CASZ1: variants seen among roughly 807,000 people sequenced by gnomAD.
CASZ1 encodes the protein zinc finger protein castor homolog 1.
Under a neutral mutation model 135.2 loss-of-function variants are expected in CASZ1, and 28 were observed. The ratio of observed to expected loss-of-function variants is 0.21; its 90% confidence interval spans 0.15 to 0.28. The LOEUF (loss-of-function observed/expected upper bound fraction) is 0.28. Among genes scored for constraint, CASZ1 ranks in the 10% least tolerant of loss-of-function variants. CASZ1 has a pLI of 1.00. For synonymous variants in CASZ1, 1,068 were observed against 1,073.4 expected, an observed-to-expected ratio of 0.99 and a Z score of 0.10; for missense variants, 2,161 against 2,453.3, an observed-to-expected ratio of 0.88 and a Z score of 2.52.
intron 2 of CASZ1, among the ~76,000 whole-genome samples, chr1:10,718,196 G>A (rs1337975225): frequency 2.0e-5 from 3 of 152,112 alleles, no homozygotes; most frequent in African/African-American, 7.2e-5. Context: ...TCCCCCGACT[G>A]GTTCGCAGTC....
chr1:10,737,103 C>T (rs751646438), intron 2 of CASZ1, among the ~76,000 whole-genome samples: 8 of 152,232 alleles, frequency 5.3e-5, no homozygotes, highest in Non-Finnish European at 1.0e-4. Flanking sequence ...TATCCCTGCT[C>T]CATCCAGCTG....
rs766718037 is a variant in CASZ1, at chr1:10,665,445, G to C, written c.143C>G (p.Ala48Gly). ...LSRQVVVEKR[A>G]DAGSHTEGSP... Reference sequence around the variant, plus strand: ...GCCCTCCGTGTGGGAGCCGGCGTCAGCTCGCTTCTCCACCACCACCTGGCG... The same window carrying C: ...GCCCTCCGTGTGGGAGCCGGCGTCACCTCGCTTCTCCACCACCACCTGGCG... The change falls in exon 5 of 21, where the codon GCT becomes GGT. Residue 48 changes from alanine (A) to glycine (G), a missense_variant. This residue lies in a region of CASZ1 where 590 missense variants were observed against 609.8 expected (regional missense o/e 0.97). Transcript: ENST00000377022. 1.9e-6 allele frequency: 3 copies of C among 1,610,796 alleles called. No individual in the cohort carries two copies. In the Admixed American group the frequency reaches 5.0e-5, roughly 27 times the overall value.
At position 10,741,200 on chromosome 1, in the gene CASZ1, C is replaced by T. The variant is rs909193587; in HGVS notation, c.-77+19501G>A. ...GTTTCACCATGTTGGTCAGGCTGGTCTCCAACTCCTGACCTCAGGCGATCC... is the reference window on the plus strand; with the variant it reads ...GTTTCACCATGTTGGTCAGGCTGGTTTCCAACTCCTGACCTCAGGCGATCC... On this transcript the variant is annotated intron_variant, in intron 2 of 20. Coordinates refer to ENST00000377022, the MANE Select transcript of CASZ1 (RefSeq NM_001079843.3). The surrounding 1 kb of genome is among the most constrained non-coding windows in gnomAD (Gnocchi z 5.0). 1.3e-5 allele frequency among the ~76,000 whole-genome samples: 2 copies of T among 152,194 alleles called. No homozygotes were observed. Among genetic ancestry groups the T allele is most frequent in the African/African-American group, 4.8e-5 (2 of 41,448 alleles).
chr1:10,640,067 G>C lies in CASZ1; in HGVS notation c.4163-8C>G. 1.3e-6 allele frequency: 2 copies of C among 1,599,604 alleles called. No homozygotes were observed. The highest frequency in any genetic ancestry group is 2.2e-5 in the South Asian group (2 of 90,544). On this transcript the variant is annotated splice_region_variant and splice_polypyrimidine_tract_variant and intron_variant, in intron 20 of 20. Coordinates refer to ENST00000377022, the MANE Select transcript of CASZ1 (RefSeq NM_001079843.3). Reference sequence around the variant, plus strand: ...GCATAGAGATGGTGTTCCCTGGGGAGGGGCAGGGAGGTCAGTGCAGAAGAG... The same window carrying C: ...GCATAGAGATGGTGTTCCCTGGGGACGGGCAGGGAGGTCAGTGCAGAAGAG...
Position 10,666,607 on chromosome 1 carries a change from G to A in CASZ1, c.17-1036C>T, listed in dbSNP as rs1054748034. Among the ~76,000 whole-genome samples, 2 of 152,168 alleles carry A rather than the reference G, an allele frequency of 1.3e-5. No individual in the cohort carries two copies. Among genetic ancestry groups the A allele is most frequent in the Admixed American group, 1.3e-4 (2 of 15,274 alleles). ...CAGCACCTAATCCCCGAATGTGACAGCCCGACACACACAGCCGGAAGGAAG... is the reference window on the plus strand; with the variant it reads ...CAGCACCTAATCCCCGAATGTGACAACCCGACACACACAGCCGGAAGGAAG... On this transcript the variant is annotated intron_variant, in intron 4 of 20. Coordinates refer to ENST00000377022, the MANE Select transcript of CASZ1 (RefSeq NM_001079843.3). This position sits in a 1 kb window ranked among gnomAD's most constrained non-coding sequence, Gnocchi z 5.2.
chr1:10,719,741 G>A lies in CASZ1; in HGVS notation c.-76-14197C>T, dbSNP rs1247693656. ...GTGAGAGAAGAGGCAGCAGGGTATG[G>A]GAATAGAGGAATTGGGCACTTCAAC... On this transcript the variant is annotated intron_variant, in intron 2 of 20. Coordinates refer to ENST00000377022, the MANE Select transcript of CASZ1 (RefSeq NM_001079843.3). This position sits in a 1 kb window ranked among gnomAD's most constrained non-coding sequence, Gnocchi z 4.0. Among the ~76,000 whole-genome samples the A allele has an allele frequency of 6.6e-6, 1 of 152,220 alleles. No homozygotes were observed. Among genetic ancestry groups the A allele is most frequent in the African/African-American group, 2.4e-5 (1 of 41,454 alleles).
At position 10,653,714 on chromosome 1, in the gene CASZ1, A is replaced by C. The variant is rs779016057; in HGVS notation, c.2343T>G (p.Pro781=). 1.9e-6 allele frequency: 3 copies of C among 1,599,190 alleles called. No homozygotes were observed. The change falls in exon 11 of 21, where the codon CCT becomes CCG. Residue 781 remains proline (P), a synonymous_variant. Coordinates refer to ENST00000377022, the MANE Select transcript of CASZ1 (RefSeq NM_001079843.3). Reference sequence around the variant, plus strand: ...GGGCCAGGGCCAGGGGGATTGAGCCAGGCAGGCCCTGGGGCAGCAGCCCCG... The same window carrying C: ...GGGCCAGGGCCAGGGGGATTGAGCCCGGCAGGCCCTGGGGCAGCAGCCCCG... ...KISGLLPQGL[P]GSIPLALALS... is the part of the protein sequence containing the mutation.
Position 10,735,146 on chromosome 1 carries a change from A to T in CASZ1, c.-77+25555T>A, listed in dbSNP as rs1283010939. On this transcript the variant is annotated intron_variant, in intron 2 of 20. Transcript: ENST00000377022. This position sits in a 1 kb window ranked among gnomAD's most constrained non-coding sequence, Gnocchi z 5.1. The stretch of plus-strand genomic sequence containing the variant: ...TCAGTACATTGCACACAGGAGCCAA[A>T]GTAACTGAATTTTGATGAAAAGACG... Among the ~76,000 whole-genome samples the T allele has an allele frequency of 2.6e-5, 4 of 152,246 alleles. No individual in the cohort carries two copies. Among genetic ancestry groups the T allele is most frequent in the African/African-American group, 4.8e-5 (2 of 41,472 alleles).
intron 2 of CASZ1, among the ~76,000 whole-genome samples, chr1:10,708,640 C>T (rs1040971640): frequency 1.3e-5 from 2 of 152,182 alleles, no homozygotes; most frequent in Admixed American, 1.3e-4. Context: ...TCCAGCCCTT[C>T]TCCTGGCCGG....
chr1:10,722,443 G>GC lies in CASZ1; in HGVS notation c.-76-16900_-76-16899insG, dbSNP rs1479475213. On this transcript the variant is annotated intron_variant, in intron 2 of 20. Transcript: ENST00000377022. ...GGCCAGCGAACAAGGGGAGCCTACA[G>GC]GGCACGGACTTAGGGACCGAGTACC... Among the ~76,000 whole-genome samples the GC allele has an allele frequency of 1.0e-3, 154 of 152,346 alleles. 1 individual carries two copies. Among genetic ancestry groups the GC allele is most frequent in the African/African-American group, 3.5e-3 (146 of 41,576 alleles).
chr1:10,689,209 G>T (rs1428941013), intron 4 of CASZ1, among the ~76,000 whole-genome samples: 1 of 152,206 alleles, frequency 6.6e-6, no homozygotes, highest in African/African-American at 2.4e-5. Context: ...CAGGACCCAG[G>T]AAGAAGAGGA....
chr1:10,743,982 T>TA (rs888796746), intron 2 of CASZ1, among the ~76,000 whole-genome samples: 2 of 152,044 alleles, frequency 1.3e-5, no homozygotes, highest in African/African-American at 4.8e-5. Context: ...CCCAACTATC[T>TA]AGCATATTGC....
chr1:10,709,959 G>A lies in CASZ1; in HGVS notation c.-76-4415C>T, dbSNP rs979081916. Among the ~76,000 whole-genome samples, 1 of 152,176 alleles carries A rather than the reference G, an allele frequency of 6.6e-6. No individual in the cohort carries two copies. The highest frequency in any genetic ancestry group is 2.4e-5 in the African/African-American group (1 of 41,434). On this transcript the variant is annotated intron_variant, in intron 2 of 20. Coordinates refer to ENST00000377022, the MANE Select transcript of CASZ1 (RefSeq NM_001079843.3). This position sits in a 1 kb window ranked among gnomAD's most constrained non-coding sequence, Gnocchi z 5.1. ...CGGTGGGGGTGGCTGTCCAGACCCC[G>A]GAGTCGGAGCAGGCCTCCGGATTGG...
At chr1:10,734,991 G>A (rs1570538232) in intron 2 of CASZ1, among the ~76,000 whole-genome samples, 1 of 152,252 alleles carries the variant, frequency 6.6e-6, no homozygotes, top group African/African-American at 2.4e-5. Flanking sequence ...CCTTGAGGGC[G>A]GCCACATACT....
chr1:10,658,621 G>A, intron 6 of CASZ1, 45 bp from the exon 7 acceptor site: 1 of 1,562,486 alleles, frequency 6.4e-7, no homozygotes, highest in Non-Finnish European at 8.8e-7. Flanking sequence ...AGATGGGGCA[G>A]CCTCGTGTTA....
At chr1:10,765,235 G>T (rs1436738370) in intron 1 of CASZ1, among the ~76,000 whole-genome samples, 3 of 152,142 alleles carry the variant, frequency 2.0e-5, no homozygotes, top group Non-Finnish European at 2.9e-5. Flanking sequence ...CTGGGAAGTG[G>T]TAGGGAAAGA....
At chr1:10,705,211 C>T (rs988873571) in intron 3 of CASZ1, among the ~76,000 whole-genome samples, 20 of 152,242 alleles carry the variant, frequency 1.3e-4, no homozygotes, top group African/African-American at 4.6e-4. Context: ...CCCCACTGCC[C>T]CACACTGCCC....
At chr1:10,648,309 A>C in intron 15 of CASZ1, 170 bp from the exon 16 acceptor site, 1 of 543,014 alleles carries the variant, frequency 1.8e-6, no homozygotes. Flanking sequence ...ACTGGAGGGC[A>C]AACTGCAGCG....
At chr1:10,744,883 G>A (rs183202347) in intron 2 of CASZ1, among the ~76,000 whole-genome samples, 18 of 152,276 alleles carry the variant, frequency 1.2e-4, no homozygotes, top group Admixed American at 2.0e-4. Context: ...CCCGGTACAC[G>A]GTACACGCAG....
Sources: gnomAD v4.1 joint callset for allele counts (sites outside exome capture counted in the v4.1 genomes callset) on GRCh38, gnomAD v4.1.1 for gene constraint, gnomAD v4.1.1 regional missense constraint, Gnocchi (gnomAD v3.1) non-coding constraint, MANE v1.5 for transcripts, NCBI Gene and HGNC (gene_info 2026-07-23, HGNC 2026-07-21) for gene names.